The following MTUS1 variants were observed in gnomAD, a reference collection of about 807,000 sequenced individuals.
The protein encoded by MTUS1 is microtubule-associated tumor suppressor 1.
Under a neutral mutation model 120.8 loss-of-function variants are expected in MTUS1, and 109 were observed. That is an observed-to-expected ratio of 0.90 (90% CI 0.77 to 1.06). MTUS1 has a LOEUF of 1.06. Ranked by LOEUF, MTUS1 falls within the 50% of genes least tolerant of loss-of-function variation. MTUS1 has a pLI of 0.00. For synonymous variants in MTUS1, 737 were observed against 550.5 expected (o/e 1.34, Z -4.74); for missense variants, 2,210 against 1,486.3 (o/e 1.49, Z -8.01).
intron 1 of MTUS1, among the ~76,000 whole-genome samples, chr8:17,760,059 T>TTC (rs1321120205): frequency 2.0e-5 from 3 of 148,326 alleles, no homozygotes; most frequent in African/African-American, 7.4e-5. Flanking sequence ...TTCTTTTCTT[T>TTC]TTTTTTTTTT....
intron 8 of MTUS1, among the ~76,000 whole-genome samples, chr8:17,664,832 A>T (rs1017800379): frequency 4.4e-4 from 67 of 152,088 alleles, no homozygotes; most frequent in African/African-American, 1.6e-3. Flanking sequence ...TTGAAACTGG[A>T]GGTAGTAACA....
chr8:17,732,888 C>T (rs1256465838), intron 3 of MTUS1, among the ~76,000 whole-genome samples: 4 of 152,080 alleles, frequency 2.6e-5, no homozygotes, highest in East Asian at 3.9e-4. Context: ...CAACCTGGTC[C>T]GAGAAAACAT....
intron 6 of MTUS1, among the ~76,000 whole-genome samples, chr8:17,696,077 AT>A (rs1481553454): frequency 6.6e-6 from 1 of 152,102 alleles, no homozygotes; most frequent in South Asian, 2.1e-4. Flanking sequence ...ACCCTTTGTT[AT>A]TTTTCCCCCC....
At chr8:17,782,513 T>G (rs561647476) in intron 1 of MTUS1, among the ~76,000 whole-genome samples, 1 of 152,328 alleles carries the variant, frequency 6.6e-6, no homozygotes, top group Non-Finnish European at 1.5e-5. Flanking sequence ...CATCTCACTA[T>G]TAAAATGAAG....
intron 7 of MTUS1, among the ~76,000 whole-genome samples, chr8:17,678,697 C>G (rs1386918529): frequency 4.0e-5 from 6 of 148,756 alleles, no homozygotes; most frequent in South Asian, 2.1e-4. Context: ...CTGCTAGTGC[C>G]ATTCAAAATT....
At chr8:17,747,712 AG>A (rs1457088410) in intron 2 of MTUS1, among the ~76,000 whole-genome samples, 2 of 152,158 alleles carry the variant, frequency 1.3e-5, no homozygotes, top group Admixed American at 1.3e-4. Flanking sequence ...CTCACTTGGT[AG>A]GGGAGACAAG....
rs372519992 is a variant in MTUS1 at position 17,745,535 on chromosome 8, C to A, written c.2092-1736G>T. Among the ~76,000 whole-genome samples the A allele has an allele frequency of 2.7e-4, 41 of 152,294 alleles. 1 individual carries two copies. The East Asian group carries it at 6.7e-3, about 25-fold the overall frequency. On this transcript the variant is annotated intron_variant, in intron 2 of 14. Coordinates refer to ENST00000693296, the MANE Select transcript of MTUS1 (RefSeq NM_001363059.2). ...ATAGATACAGAGGGCTGACTGTATT[C>A]AATTTTCATTTTTACTATGAAACAA...
chr8:17,662,373 T>TTTTTTTA, intron 8 of MTUS1, among the ~76,000 whole-genome samples: 1 of 108,940 alleles, frequency 9.2e-6, no homozygotes, highest in African/African-American at 3.1e-5. Context: ...TTTTTTTTTT[T>TTTTTTTA]GAGATAGAGT....
intron 2 of MTUS1, among the ~76,000 whole-genome samples, chr8:17,750,632 A>T (rs2048119068): frequency 1.3e-5 from 2 of 152,180 alleles, no homozygotes; most frequent in Non-Finnish European, 2.9e-5. Flanking sequence ...AAATGTCGAC[A>T]ACAATTGCCC....
At chr8:17,722,232 C>G (rs2045900272) in intron 4 of MTUS1, 3 of 999,318 alleles carry the variant, frequency 3.0e-6, no homozygotes, top group Non-Finnish European at 3.6e-6. Context: ...GAAACGGTGG[C>G]CAAGTCAACA....
At chr8:17,800,277 C>A (rs1335429565) in intron 1 of MTUS1, among the ~76,000 whole-genome samples, 2 of 152,282 alleles carry the variant, frequency 1.3e-5, no homozygotes, top group East Asian at 3.9e-4. Context: ...TGATGATTGA[C>A]TTTCGATCAC....
chr8:17,723,991 AC>A, intron 3 of MTUS1, 158 bp from the exon 4 acceptor site: 1 of 623,804 alleles, frequency 1.6e-6, no homozygotes, highest in Non-Finnish European at 2.8e-6. Flanking sequence ...TGAAAGCTTC[AC>A]GCAGACATGT....
intron 6 of MTUS1, among the ~76,000 whole-genome samples, chr8:17,704,915 T>C (rs750834233): frequency 6.6e-6 from 1 of 152,236 alleles, no homozygotes; most frequent in Non-Finnish European, 1.5e-5. Flanking sequence ...GACAGAGCTC[T>C]ACACAGAGTA....
At chr8:17,758,657 T>C (rs1388416914) in intron 1 of MTUS1, among the ~76,000 whole-genome samples, 4 of 152,236 alleles carry the variant, frequency 2.6e-5, no homozygotes, top group African/African-American at 9.6e-5. Flanking sequence ...AGCTTTCTGC[T>C]TCCCTAACAG....
rs2051367442 is a variant in MTUS1, at chr8:17,787,130, GGCCACCGCTCC to G, written c.-155+13920_-155+13930del. ...GCAAATCCAAGGACTGCCAAGGAGG[GGCCACCGCTCC>G]CTGACACCCTGTCAATTCCACTGCT... On this transcript the variant is annotated intron_variant, in intron 1 of 14. Coordinates refer to ENST00000693296, the MANE Select transcript of MTUS1 (RefSeq NM_001363059.2). Among the ~76,000 whole-genome samples the G allele has an allele frequency of 2.0e-5, 3 of 152,212 alleles. No individual in the cohort carries two copies. In the South Asian group the frequency reaches 6.2e-4, roughly 32 times the overall value.
At chr8:17,703,198 C>T (rs1199738473) in intron 6 of MTUS1, among the ~76,000 whole-genome samples, 1 of 152,142 alleles carries the variant, frequency 6.6e-6, no homozygotes, top group East Asian at 1.9e-4. Context: ...TGCAGAGAGC[C>T]TATAAATGGA....
At chr8:17,799,495 C>A (rs1303969993) in intron 1 of MTUS1, among the ~76,000 whole-genome samples, 3 of 152,102 alleles carry the variant, frequency 2.0e-5, no homozygotes, top group African/African-American at 4.8e-5. Context: ...TCACTTTTCT[C>A]AATCTACCTA....
At chr8:17,661,453 C>A (rs935083076) in intron 8 of MTUS1, among the ~76,000 whole-genome samples, 1 of 152,176 alleles carries the variant, frequency 6.6e-6, no homozygotes, top group Non-Finnish European at 1.5e-5. Flanking sequence ...TGCCTCCAAG[C>A]CCTGGGCTAG....
chr8:17,733,372 ACAG>A (rs2046723475), intron 3 of MTUS1, among the ~76,000 whole-genome samples: 1 of 151,818 alleles, frequency 6.6e-6, no homozygotes, highest in South Asian at 2.1e-4. Flanking sequence ...AAAAAAAAAA[ACAG>A]CAGACACTGT....
Sources: allele counts gnomAD v4.1 joint callset (sites outside exome capture counted in the v4.1 genomes callset), GRCh38; gene constraint gnomAD v4.1.1; transcripts MANE v1.5; gene names NCBI Gene and HGNC (gene_info 2026-07-23, HGNC 2026-07-21).